Variants in KPNA4 observed in about 807,000 individuals in gnomAD.
KPNA4 encodes importin subunit alpha-3.
Under a neutral mutation model 71.3 loss-of-function variants are expected in KPNA4, and 13 were observed. The observed-to-expected ratio is 0.18, with a 90% CI of 0.12 to 0.29. The LOEUF (loss-of-function observed/expected upper bound fraction) is 0.29. Among genes scored for constraint, KPNA4 ranks in the 10% least tolerant of loss-of-function variants. KPNA4 has a pLI of 1.00. For synonymous variants in KPNA4, 189 were observed against 195.2 expected (o/e 0.97, Z 0.26); for missense variants, 334 against 603.2 (o/e 0.55, Z 4.67).
At chr3:160,523,845 T>C (rs945582953) in intron 10 of KPNA4, among the ~76,000 whole-genome samples, 4 of 151,750 alleles carry the variant, frequency 2.6e-5, no homozygotes, top group Non-Finnish European at 5.9e-5. Flanking sequence ...TGCGAGACTC[T>C]GTCTCAAAAA....
chr3:160,495,654 G>C lies in KPNA4; in HGVS notation c.*6450C>G, dbSNP rs997812811. 1 of 151,660 alleles carries C rather than the reference G, an allele frequency of 6.6e-6. No homozygotes were observed. The highest frequency in any genetic ancestry group is 1.5e-5 in the Non-Finnish European group (1 of 67,970). The allele number at this position is 151,660 out of a possible 1,614,324, so 9.4% of individuals were successfully genotyped here. A position where few individuals can be genotyped will look rare whatever the true frequency, so the allele number is the denominator to read the frequency against. On this transcript the variant is annotated 3_prime_UTR_variant, in exon 17 of 17. Coordinates refer to ENST00000334256, the MANE Select transcript of KPNA4 (RefSeq NM_002268.5). Reference sequence around the variant, plus strand: ...CTCAACTGAATATAATACTGACATGGCAGAAGTGCGAGTTTTATCAGTGAT... The same window carrying C: ...CTCAACTGAATATAATACTGACATGCCAGAAGTGCGAGTTTTATCAGTGAT...
At chr3:160,555,348 T>C (rs554661560) in intron 1 of KPNA4, among the ~76,000 whole-genome samples, 1 of 152,248 alleles carries the variant, frequency 6.6e-6, no homozygotes. Context: ...GGCAGTATAA[T>C]GTTTTCAAGG....
At chr3:160,525,688 G>A in intron 10 of KPNA4, 112 bp downstream of exon 10, 1 of 492,620 alleles carries the variant, frequency 2.0e-6, no homozygotes, top group Non-Finnish European at 3.4e-6. Context: ...GGGAAAATCT[G>A]ATAGTATGCT....
intron 10 of KPNA4, among the ~76,000 whole-genome samples, chr3:160,523,703 T>A (rs1721403873): frequency 6.6e-6 from 1 of 151,840 alleles, no homozygotes; most frequent in Admixed American, 6.6e-5. Flanking sequence ...GCAAAAAAAT[T>A]AGCCAGGCGT....
Position 160,531,485 on chromosome 3 carries a change from G to A in KPNA4, c.360C>T (p.Val120=). The A allele has an allele frequency of 6.4e-7, 1 of 1,572,362 alleles. No homozygotes were observed. The highest frequency in any genetic ancestry group is 1.2e-5 in the South Asian group (1 of 81,998). The change falls in exon 6 of 17, where the codon GTC becomes GTT. Residue 120 remains valine (V), a synonymous_variant. Transcript: ENST00000334256. ...ACTTGTCATCTCTTTCAAGACAATG[G>A]ACTAAAATGGGCAATATTCCAGATT... ...LIKSGILPIL[V]HCLERDDNPS...
intron 1 of KPNA4, among the ~76,000 whole-genome samples, chr3:160,551,617 G>T (rs538193776): frequency 1.3e-5 from 2 of 150,394 alleles, no homozygotes; most frequent in East Asian, 3.9e-4. Context: ...TAGTTGGATG[G>T]GGAGTTATCA....
Position 160,502,047 on chromosome 3 carries a change from CACATAT to C in KPNA4, c.*51_*56del. 3 of 593,562 alleles carry C rather than the reference CACATAT, an allele frequency of 5.1e-6. No individual in the cohort carries two copies. The highest frequency in any genetic ancestry group is 8.5e-6 in the Non-Finnish European group (3 of 353,346). 36.8% of individuals were successfully genotyped at this position (593,562 alleles called of 1,614,324 possible). A position where few individuals can be genotyped will look rare whatever the true frequency, so the allele number is the denominator to read the frequency against. On this transcript the variant is annotated 3_prime_UTR_variant, in exon 17 of 17. Transcript: ENST00000334256. ...GTATATATATATATATATACACACACACATATATATATATATATCTCAGTGCTGCAT... is the reference window on the plus strand; with the variant it reads ...GTATATATATATATATATACACACACATATATATATATCTCAGTGCTGCAT...
At chr3:160,561,238 T>C (rs1722239485) in intron 1 of KPNA4, among the ~76,000 whole-genome samples, 1 of 152,078 alleles carries the variant, frequency 6.6e-6, no homozygotes, top group South Asian at 2.1e-4. Context: ...AGAACTTTCA[T>C]AAAAAGTATG....
In KPNA4 at chr3:160,496,331, AAC is replaced by A. The variant is rs1720762766; in HGVS notation, c.*5771_*5772del. ...GGGGAAAGGTGGCTCACAGGGCTTA[AAC>A]ATCAGAGGAATGGAGAGGACAGGAC... On this transcript the variant is annotated 3_prime_UTR_variant, in exon 17 of 17. Transcript: ENST00000334256. The A allele has an allele frequency of 6.6e-6, 1 of 152,370 alleles. No homozygotes were observed. The highest frequency in any genetic ancestry group is 2.4e-5 in the African/African-American group (1 of 41,466). The allele number at this position is 152,370 out of a possible 1,614,324, so 9.4% of individuals were successfully genotyped here. A position where few individuals can be genotyped will look rare whatever the true frequency, so the allele number is the denominator to read the frequency against.
At chr3:160,503,110 C>CAAACAAAACA (rs10662239) in intron 16 of KPNA4, among the ~76,000 whole-genome samples, 87 of 151,132 alleles carry the variant, frequency 5.8e-4, no homozygotes, top group Middle Eastern at 3.4e-3. Context: ...AACTCTGTCT[C>CAAACAAAACA]AAACAAAACA....
intron 7 of KPNA4, among the ~76,000 whole-genome samples, chr3:160,530,212 T>C: frequency 6.7e-6 from 1 of 148,370 alleles, no homozygotes; most frequent in East Asian, 2.0e-4. Flanking sequence ...CTCATGCCTA[T>C]AATCCCAGCA....
intron 8 of KPNA4, among the ~76,000 whole-genome samples, chr3:160,526,519 G>A (rs547767091): frequency 6.6e-6 from 1 of 152,354 alleles, no homozygotes; most frequent in Admixed American, 6.5e-5. Context: ...TATGTCAGAA[G>A]AAAAGGGTGA....
rs1156247444 is a variant in KPNA4, at chr3:160,495,984, T to C, written c.*6120A>G. ...TCCAAGACTTTGGATATTAGATTAC[T>C]GTACCTAAAAAGAGTAAAATGGTGG... On this transcript the variant is annotated 3_prime_UTR_variant, in exon 17 of 17. Coordinates refer to ENST00000334256, the MANE Select transcript of KPNA4 (RefSeq NM_002268.5). 1 of 150,398 alleles carries C rather than the reference T, an allele frequency of 6.6e-6. No individual in the cohort carries two copies. The highest frequency in any genetic ancestry group is 6.6e-5 in the Admixed American group (1 of 15,048). The allele number at this position is 150,398 out of a possible 1,614,324, so 9.3% of individuals were successfully genotyped here.
chr3:160,515,662 T>C, intron 11 of KPNA4, 82 bp from the exon 12 acceptor site: 1 of 1,485,812 alleles, frequency 6.7e-7, no homozygotes, highest in Non-Finnish European at 9.2e-7. Flanking sequence ...TCGCCCAGGG[T>C]AGAGTGCAGT....
chr3:160,542,079 C>T (rs1314169161), intron 1 of KPNA4, among the ~76,000 whole-genome samples: 1 of 152,082 alleles, frequency 6.6e-6, no homozygotes, highest in Non-Finnish European at 1.5e-5. Context: ...GAAAATATAG[C>T]ATGTACAAAA....
intron 10 of KPNA4, among the ~76,000 whole-genome samples, chr3:160,523,269 C>T (rs549850094): frequency 8.3e-4 from 126 of 151,700 alleles, no homozygotes; most frequent in Non-Finnish European, 1.4e-3. Flanking sequence ...CCAGGAGTTA[C>T]AGACCAGCCT....
In KPNA4 at chr3:160,497,206, G is replaced by A. The variant is rs1720782916; in HGVS notation, c.*4898C>T. The A allele has an allele frequency of 6.6e-6, 1 of 152,158 alleles. No homozygotes were observed. Among genetic ancestry groups the A allele is most frequent in the Admixed American group, 6.5e-5 (1 of 15,272 alleles). 9.4% of individuals were successfully genotyped at this position (152,158 alleles called of 1,614,324 possible). A position where few individuals can be genotyped will look rare whatever the true frequency, so the allele number is the denominator to read the frequency against. ...GAGGTGGGCAGATCATTTGCGGTCA[G>A]GATTCCAATACCAGCCTGGCCAATA... On this transcript the variant is annotated 3_prime_UTR_variant, in exon 17 of 17. Transcript: ENST00000334256.
chr3:160,552,070 A>G (rs1317946842), intron 1 of KPNA4, among the ~76,000 whole-genome samples: 1 of 152,098 alleles, frequency 6.6e-6, no homozygotes, highest in Admixed American at 6.6e-5. Flanking sequence ...CAATAGTGCC[A>G]AGGATGAAAA....
chr3:160,530,065 G>A (rs1023395451), intron 7 of KPNA4, among the ~76,000 whole-genome samples: 2 of 150,404 alleles, frequency 1.3e-5, no homozygotes, highest in African/African-American at 4.9e-5. Flanking sequence ...AACCCGGGAG[G>A]TGGAGCTTGC....
Sources: gnomAD v4.1 joint callset for allele counts (sites outside exome capture counted in the v4.1 genomes callset) on GRCh38, gnomAD v4.1.1 for gene constraint, MANE v1.5 for transcripts, NCBI Gene and HGNC (gene_info 2026-07-23, HGNC 2026-07-21) for gene names.